Variants in PKD2 observed in about 807,000 individuals in gnomAD.
PKD2 encodes the protein polycystin 2, transient receptor potential cation channel.
PKD2 carries 48 observed loss-of-function variants against 105.9 expected under a neutral mutation model. The observed-to-expected ratio is 0.45, with a 90% CI of 0.36 to 0.58. The LOEUF (loss-of-function observed/expected upper bound fraction) is 0.58, where lower values mean the gene tolerates loss of function less well. PKD2 is among the 20% of genes least tolerant of loss of function. The pLI is 0.00. For missense variants in PKD2, 1,078 were observed against 1,255.3 expected (o/e 0.86, Z 2.13); for synonymous variants, 464 against 481.1 (o/e 0.96, Z 0.46).
intron 2 of PKD2, among the ~76,000 whole-genome samples, chr4:88,023,155 T>C (rs1726823119): frequency 6.6e-6 from 1 of 151,952 alleles, no homozygotes; most frequent in African/African-American, 2.4e-5. Flanking sequence ...GAAAAGAGAT[T>C]TATTTGCCTC....
chr4:88,051,514 A>C lies in PKD2; in HGVS notation c.1549-477A>C, dbSNP rs147338775. On this transcript the variant is annotated intron_variant, in intron 6 of 14. Coordinates refer to ENST00000237596, the MANE Select transcript of PKD2 (RefSeq NM_000297.4). Reference sequence around the variant, plus strand: ...CATCTACTATATTTTTGTTAAACAGAGCAAAGAATGGCTGGCAATTGGAGA... The same window carrying C: ...CATCTACTATATTTTTGTTAAACAGCGCAAAGAATGGCTGGCAATTGGAGA... 6.5e-3 allele frequency among the ~76,000 whole-genome samples: 990 copies of C among 152,330 alleles called. 34 individuals are homozygous for C. Among genetic ancestry groups the C allele is most frequent in the Admixed American group, 0.054 (827 of 15,300 alleles).
intron 2 of PKD2, among the ~76,000 whole-genome samples, chr4:88,030,139 G>C (rs1284298280): frequency 2.0e-5 from 3 of 152,120 alleles, no homozygotes; most frequent in African/African-American, 7.2e-5. Flanking sequence ...ATACAAGTCA[G>C]TCTTCCATTT....
At position 88,017,502 on chromosome 4, in the gene PKD2, C is replaced by T. The variant is rs907326374; in HGVS notation, c.596-1956C>T. Among the ~76,000 whole-genome samples, 6 of 152,128 alleles carry T rather than the reference C, an allele frequency of 3.9e-5. No individual in the cohort carries two copies. The East Asian group carries it at 7.7e-4, about 20-fold the overall frequency. ...TTGGCTCACTGCAACCTCTGTCTCC[C>T]GGGTTCAACCGATTCTTCTGCCTCA... On this transcript the variant is annotated intron_variant, in intron 1 of 14. Transcript: ENST00000237596.
At chr4:88,070,587 TATATATATATATATAGAGAGAG>T (rs1272094582) in intron 13 of PKD2, among the ~76,000 whole-genome samples, 27 of 100,214 alleles carry the variant, frequency 2.7e-4, no homozygotes, top group African/African-American at 9.9e-4. Flanking sequence ...TATATATATA[TATATATATATATATAGAGAGAG>T]AGAGAGAGAG....
intron 1 of PKD2, among the ~76,000 whole-genome samples, chr4:88,010,862 A>G (rs1283811709): frequency 6.6e-6 from 1 of 152,236 alleles, no homozygotes; most frequent in Non-Finnish European, 1.5e-5. Context: ...AAAATAGTAA[A>G]GAAAGAAGAC....
chr4:88,041,395 G>T (rs533077781), intron 4 of PKD2, among the ~76,000 whole-genome samples: 1 of 152,104 alleles, frequency 6.6e-6, no homozygotes, highest in African/African-American at 2.4e-5. Context: ...CCACCCCCAG[G>T]TTCAGTGATT....
chr4:88,073,709 G>C (rs552942583), intron 13 of PKD2, among the ~76,000 whole-genome samples: 2 of 152,184 alleles, frequency 1.3e-5, no homozygotes, highest in African/African-American at 4.8e-5. Flanking sequence ...TCAGATTATG[G>C]CTTCAGTGCC....
In PKD2 at chr4:88,075,636, A is replaced by G. The variant is rs774615250; in HGVS notation, c.2849A>G (p.Gln950Arg). 2.5e-6 allele frequency: 4 copies of G among 1,614,124 alleles called. No individual in the cohort carries two copies. The highest frequency in any genetic ancestry group is 1.6e-4 in the Middle Eastern group (1 of 6,062). ...AGAAGCTCCCGCCCATCTTCCTCCCAATCTACAGAAGGCATGGAAGGTGCA... is the reference window on the plus strand; with the variant it reads ...AGAAGCTCCCGCCCATCTTCCTCCCGATCTACAGAAGGCATGGAAGGTGCA... Reference protein sequence around the residue: ...RPRSSRPSSSQSTEGMEGAGG... With the variant: ...RPRSSRPSSSRSTEGMEGAGG... The change falls in exon 15 of 15, where the codon CAA becomes CGA. Residue 950 changes from glutamine (Q) to arginine (R), a missense_variant. Gln to Arg is a conservative substitution (Grantham distance 43). Coordinates refer to ENST00000237596, the MANE Select transcript of PKD2 (RefSeq NM_000297.4).
intron 5 of PKD2, among the ~76,000 whole-genome samples, chr4:88,046,422 G>T (rs1033494932): frequency 5.3e-5 from 8 of 151,890 alleles, no homozygotes; most frequent in Non-Finnish European, 1.2e-4. Context: ...ACTCCTTTGG[G>T]ACTGAAAGAC....
In PKD2 at chr4:88,057,959, T is replaced by C. The variant is rs757746294; in HGVS notation, c.1899-24T>C. 4 of 1,552,590 alleles carry C rather than the reference T, an allele frequency of 2.6e-6. No homozygotes were observed. In the Admixed American group the frequency reaches 6.7e-5, roughly 26 times the overall value. ...GTGGACATTCTTTGTTTTTGTATTG[T>C]GGTGTTTTGTTTTATTTTTATAGCT... On this transcript the variant is annotated intron_variant, in intron 8 of 14. Coordinates refer to ENST00000237596, the MANE Select transcript of PKD2 (RefSeq NM_000297.4).
chr4:88,070,552 T>G (rs1308272266), intron 13 of PKD2, among the ~76,000 whole-genome samples: 1 of 139,284 alleles, frequency 7.2e-6, no homozygotes, highest in South Asian at 2.2e-4. Context: ...CCTCTAGTTA[T>G]TTATTTATTT....
chr4:88,014,692 T>C lies in PKD2; in HGVS notation c.596-4766T>C, dbSNP rs77221095. On this transcript the variant is annotated intron_variant, in intron 1 of 14. Coordinates refer to ENST00000237596, the MANE Select transcript of PKD2 (RefSeq NM_000297.4). ...TTAGCACAAAAAGAGGATTCTTTTA[T>C]GATACAAATGCACTGAGAATTTGGT... 4.3e-3 allele frequency among the ~76,000 whole-genome samples: 659 copies of C among 152,348 alleles called. 4 individuals carry two copies. Among genetic ancestry groups the C allele is most frequent in the African/African-American group, 0.015 (636 of 41,584 alleles).
intron 14 of PKD2, 38 bp from the exon 15 acceptor site, chr4:88,075,420 C>A: frequency 1.4e-6 from 2 of 1,460,804 alleles, no homozygotes; most frequent in African/African-American, 1.4e-5. Context: ...GCATTTCCTT[C>A]TACTGCCCCC....
chr4:88,056,568 A>G (rs1720337697), intron 8 of PKD2, among the ~76,000 whole-genome samples: 1 of 152,246 alleles, frequency 6.6e-6, no homozygotes, highest in Admixed American at 6.5e-5. Flanking sequence ...GGTAGCTTCT[A>G]GAAGGCTGTT....
chr4:88,030,188 G>A (rs954549632), intron 2 of PKD2, among the ~76,000 whole-genome samples: 6 of 152,136 alleles, frequency 3.9e-5, no homozygotes, highest in Admixed American at 2.0e-4. Context: ...GTCTCACTCT[G>A]TCACCCAGGC....
In PKD2 at chr4:88,043,109, C is replaced by T. The variant is rs80286126; in HGVS notation, c.1095-124C>T. ...AGAAAACATGAACTGCCAGGTCAGG[C>T]ACAGTACCCAGCTTGATAGGCCTTA... On this transcript the variant is annotated intron_variant, in intron 4 of 14. Coordinates refer to ENST00000237596, the MANE Select transcript of PKD2 (RefSeq NM_000297.4). 8.0e-4 allele frequency: 564 copies of T among 702,666 alleles called. 4 individuals carry two copies. In the East Asian group the frequency reaches 0.013, roughly 16 times the overall value. 43.5% of individuals were successfully genotyped at this position (702,666 alleles called of 1,614,324 possible). A position where few individuals can be genotyped will look rare whatever the true frequency, so the allele number is the denominator to read the frequency against.
chr4:88,065,647 A>G, intron 11 of PKD2, 115 bp from the exon 12 acceptor site: 1 of 1,181,142 alleles, frequency 8.5e-7, no homozygotes, highest in Non-Finnish European at 1.3e-6. Context: ...TTATAAGAGG[A>G]AAACTTGCCC....
In PKD2 at chr4:88,076,732, T is replaced by A. The variant is rs971335518; in HGVS notation, c.*1038T>A. ...CAGGTATGACGGCTCACGCCTGTAA[T>A]CCCAGCACTTTGGGAGGCCGAAACA... is the stretch of plus-strand genomic sequence containing the variant. On this transcript the variant is annotated 3_prime_UTR_variant, in exon 15 of 15. Transcript: ENST00000237596. 6.6e-6 allele frequency: 1 copy of A among 152,188 alleles called. No homozygotes were observed. The highest frequency in any genetic ancestry group is 2.4e-5 in the African/African-American group (1 of 41,444). The allele number at this position is 152,188 out of a possible 1,614,324, so 9.4% of individuals were successfully genotyped here.
Position 88,065,848 on chromosome 4 carries a change from A to G in PKD2, c.2327A>G (p.Gln776Arg). 6.2e-7 allele frequency: 1 copy of G among 1,612,256 alleles called. No individual in the cohort carries two copies. ...CAAGAACTGACCGAACATGAACATC[A>G]GCAGATGAGAGACGACTTGGAGAAA... ...GDQELTEHEH[Q>R]QMRDDLEKER... Residue 776 changes from glutamine to arginine, a missense_variant, in exon 12 of 15, where the codon CAG (glutamine) becomes CGG (arginine). By Grantham distance (43) the Gln-to-Arg change is conservative (BLOSUM62 1). This residue lies in a region of PKD2 where 868 missense variants were observed against 1,067.3 expected (regional missense o/e 0.81). Coordinates refer to ENST00000237596, the MANE Select transcript of PKD2 (RefSeq NM_000297.4).
Sources: allele counts gnomAD v4.1 joint callset (sites outside exome capture counted in the v4.1 genomes callset), GRCh38; gene constraint gnomAD v4.1.1; regional missense constraint gnomAD v4.1.1; transcripts MANE v1.5; gene names NCBI Gene and HGNC (gene_info 2026-07-23, HGNC 2026-07-21).